The following NOX4 variants were observed in gnomAD, a reference collection of about 807,000 sequenced individuals.
The protein encoded by NOX4 is kidney oxidase-1.
A neutral mutation model predicts 87.6 loss-of-function variants in NOX4; 69 were observed. The ratio of observed to expected loss-of-function variants is 0.79; its 90% CI spans 0.65 to 0.96. The LOEUF (loss-of-function observed/expected upper bound fraction) is 0.96. Ranked by LOEUF, NOX4 falls within the 40% of genes least tolerant of loss-of-function variation. The probability of loss-of-function intolerance (pLI) is 0.00; values close to 1 mark genes in which losing one functional copy is unlikely to be tolerated. For synonymous variants in NOX4, 275 were observed against 238.2 expected, an observed-to-expected ratio of 1.15 and a Z score of -1.42; for missense variants, 680 against 681.5, an observed-to-expected ratio of 1.00 and a Z score of 0.02.
At chr11:89,423,150 G>T (rs1306996695) in intron 7 of NOX4, among the ~76,000 whole-genome samples, 1 of 151,940 alleles carries the variant, frequency 6.6e-6, no homozygotes, top group Non-Finnish European at 1.5e-5. Context: ...CAAAATTAAG[G>T]GATACACCTT....
intron 11 of NOX4, among the ~76,000 whole-genome samples, chr11:89,384,124 G>A (rs376457805): frequency 1.3e-3 from 202 of 152,122 alleles, no homozygotes; most frequent in African/African-American, 4.6e-3. Context: ...GGATCTGTGC[G>A]TTATCAACCA....
intron 9 of NOX4, among the ~76,000 whole-genome samples, chr11:89,400,945 G>A (rs1382035912): frequency 6.6e-6 from 1 of 151,640 alleles, no homozygotes; most frequent in Non-Finnish European, 1.5e-5. Context: ...AATATAATAA[G>A]AACATAAAAT....
In NOX4 at chr11:89,421,934, G is replaced by T; in HGVS notation, c.597C>A (p.Val199=). The change falls in exon 8 of 18, where the codon GTC becomes GTA. Residue 199 remains valine (V), a synonymous_variant. Transcript: ENST00000263317. ...IFWYTHNLFF[V]FYMLLTLHVS... is the part of the protein sequence containing the mutation. The stretch of plus-strand genomic sequence containing the variant: ...CATGCAACGTCAGCAGCATGTAGAA[G>T]ACAAAGAAGAGGTTATGAGTATACC... 1.3e-6 allele frequency: 2 copies of T among 1,571,740 alleles called. No homozygotes were observed. Among genetic ancestry groups the T allele is most frequent in the Non-Finnish European group, 1.7e-6 (2 of 1,162,286 alleles).
rs933974705 is a variant in NOX4, at chr11:89,468,025, G to A, written c.154-16130C>T. Among the ~76,000 whole-genome samples the A allele has an allele frequency of 5.9e-5, 9 of 152,088 alleles. No homozygotes were observed. The East Asian group carries it at 1.7e-3, about 29-fold the overall frequency. The stretch of plus-strand genomic sequence containing the variant: ...TTTTACTTATCAGTAAATTTATTTT[G>A]CTAAATACTAAAACATATAATTCTA... On this transcript the variant is annotated intron_variant, in intron 2 of 17. Transcript: ENST00000263317.
chr11:89,406,191 T>C (rs558467116), intron 8 of NOX4, among the ~76,000 whole-genome samples: 2 of 152,228 alleles, frequency 1.3e-5, no homozygotes, highest in Admixed American at 6.5e-5. Context: ...ACAATCTTTT[T>C]CTAAAGAATA....
At chr11:89,548,232 G>A in the NOX4 span, 2 of 152,088 alleles carry the variant, frequency 1.3e-5, no homozygotes, top group Non-Finnish European at 2.9e-5. Flanking sequence ...AAAGTAATTA[G>A]GTAATAAGAG....
chr11:89,540,195 T>A, the NOX4 span, among the ~76,000 whole-genome samples: 1 of 152,136 alleles, frequency 6.6e-6, no homozygotes, highest in Non-Finnish European at 1.5e-5. Flanking sequence ...AGAAGCCATA[T>A]AGAAATACTT....
At chr11:89,511,749 T>TTCTTTTTTTCAGGC in the NOX4 span, among the ~76,000 whole-genome samples, 15,344 of 151,964 alleles carry the variant, frequency 0.1, 1,089 homozygotes, top group Admixed American at 0.23. Flanking sequence ...ATTTTTCAGG[T>TTCTTTTTTTCAGGC]TTCTTGTTTT....
chr11:89,573,872 C>T, the NOX4 span, among the ~76,000 whole-genome samples: 1 of 152,080 alleles, frequency 6.6e-6, no homozygotes, highest in Non-Finnish European at 1.5e-5. Context: ...GCAGTGCCCT[C>T]TTTACGCTTG....
At chr11:89,467,828 G>A (rs115367685) in intron 2 of NOX4, among the ~76,000 whole-genome samples, 118 of 152,260 alleles carry the variant, frequency 7.7e-4, no homozygotes, top group African/African-American at 2.3e-3. Flanking sequence ...AGTATTTGGC[G>A]ATGATTATTC....
chr11:89,480,496 G>A (rs1946349147), intron 2 of NOX4, among the ~76,000 whole-genome samples: 2 of 152,082 alleles, frequency 1.3e-5, no homozygotes, highest in African/African-American at 4.8e-5. Context: ...ATGTTTTCCT[G>A]GGGTATAAAA....
At chr11:89,413,711 T>G (rs891350100) in intron 8 of NOX4, among the ~76,000 whole-genome samples, 3 of 152,022 alleles carry the variant, frequency 2.0e-5, no homozygotes, top group African/African-American at 7.2e-5. Flanking sequence ...GTATTGGTTA[T>G]AAAAATATAA....
intron 13 of NOX4, among the ~76,000 whole-genome samples, chr11:89,343,196 C>T (rs866449548): frequency 6.6e-5 from 10 of 152,304 alleles, no homozygotes; most frequent in Middle Eastern, 6.8e-3. Context: ...ATAACTTTTC[C>T]TCTCTAAACT....
intron 12 of NOX4, among the ~76,000 whole-genome samples, chr11:89,362,710 G>C (rs1427891319): frequency 1.3e-5 from 2 of 151,934 alleles, no homozygotes; most frequent in Non-Finnish European, 2.9e-5. Flanking sequence ...ATATCTTCAA[G>C]AGTAGTTGTC....
At position 89,365,764 on chromosome 11, in the gene NOX4, A is replaced by C. The variant is rs1938924120; in HGVS notation, c.1135+7668T>G. Among the ~76,000 whole-genome samples the C allele has an allele frequency of 4.0e-5, 6 of 151,364 alleles. No individual in the cohort carries two copies. The South Asian group carries it at 1.0e-3, about 26-fold the overall frequency. On this transcript the variant is annotated intron_variant, in intron 12 of 17. Coordinates refer to ENST00000263317, the MANE Select transcript of NOX4 (RefSeq NM_016931.5). ...CAAGACCACGCCCACAAAAAAAAAA[A>C]AAAAAAAAAAAACAGGAGATTTTCT...
At chr11:89,532,273 G>C in the NOX4 span, among the ~76,000 whole-genome samples, 4 of 152,184 alleles carry the variant, frequency 2.6e-5, no homozygotes, top group African/African-American at 7.2e-5. Flanking sequence ...TGTGAAAGTA[G>C]CTATGGAAGC....
the NOX4 span, among the ~76,000 whole-genome samples, chr11:89,543,772 T>C: frequency 6.6e-6 from 1 of 152,114 alleles, no homozygotes; most frequent in South Asian, 2.1e-4. Context: ...TCAATTGTCA[T>C]TGTGGAAAGT....
At position 89,444,236 on chromosome 11, in the gene NOX4, C is replaced by G. The variant is rs772938806; in HGVS notation, c.350-4G>C. 4 of 1,611,810 alleles carry G rather than the reference C, an allele frequency of 2.5e-6. No individual in the cohort carries two copies. The highest frequency in any genetic ancestry group is 8.5e-7 in the Non-Finnish European group (1 of 1,178,192). On this transcript the variant is annotated splice_polypyrimidine_tract_variant and splice_region_variant and intron_variant, in intron 4 of 17. Transcript: ENST00000263317. Reference sequence around the variant, plus strand: ...AGATGGGCAGCCACATGCACGCCTACAGAATTACACCAGGGGTAAGTTAGT... The same window carrying G: ...AGATGGGCAGCCACATGCACGCCTAGAGAATTACACCAGGGGTAAGTTAGT...
chr11:89,556,439 C>A, the NOX4 span, among the ~76,000 whole-genome samples: 1 of 150,166 alleles, frequency 6.7e-6, no homozygotes, highest in African/African-American at 2.4e-5. Context: ...AGGAGAATGG[C>A]TTGAACCTGG....
Sources: gnomAD v4.1 joint callset for allele counts (sites outside exome capture counted in the v4.1 genomes callset) on GRCh38, gnomAD v4.1.1 for gene constraint, MANE v1.5 for transcripts, NCBI Gene and HGNC (gene_info 2026-07-23, HGNC 2026-07-21) for gene names.